Variants in SLC25A48 observed in about 807,000 individuals in gnomAD.
SLC25A48 encodes CTC-321K16.1.
SLC25A48 carries 29 observed loss-of-function variants against 32.2 expected under a neutral mutation model. The ratio of observed to expected loss-of-function variants is 0.90; its 90% CI spans 0.67 to 1.23. SLC25A48 has a LOEUF of 1.23. Ranked by LOEUF, SLC25A48 falls within the 50% of genes most tolerant of loss-of-function variation. The pLI, the probability that SLC25A48 is intolerant of heterozygous loss-of-function variation, is 0.00. For synonymous variants in SLC25A48, 164 were observed against 172.3 expected (o/e 0.95, Z 0.38); for missense variants, 399 against 422.7 (o/e 0.94, Z 0.49).
chr5:135,622,247 A>G lies in SLC25A48; in HGVS notation c.-848-6990A>G, dbSNP rs369330290. The stretch of plus-strand genomic sequence containing the variant: ...GGGGATGGGTGGGTACTTTGAACAA[A>G]CTTTCTGAAATGCTTATATCAAGAG... On this transcript the variant is annotated intron_variant, in intron 1 of 10. Transcript: ENST00000646290. 1.8e-4 allele frequency among the ~76,000 whole-genome samples: 27 copies of G among 152,336 alleles called. 1 individual carries two copies. The highest frequency in any genetic ancestry group is 6.3e-4 in the African/African-American group (26 of 41,594).
intron 3 of SLC25A48, among the ~76,000 whole-genome samples, chr5:135,741,273 G>A (rs1755496469): frequency 6.6e-6 from 1 of 152,122 alleles, no homozygotes; most frequent in Admixed American, 6.5e-5. Flanking sequence ...CATCCAGAGG[G>A]CAGCACAGGG....
At chr5:135,884,772 C>T (rs1762658279) in intron 7 of SLC25A48, among the ~76,000 whole-genome samples, 1 of 152,164 alleles carries the variant, frequency 6.6e-6, no homozygotes. Context: ...GGCATGCTTG[C>T]ACAGTTTGTT....
intron 1 of SLC25A48, among the ~76,000 whole-genome samples, chr5:135,607,126 G>A (rs1346515642): frequency 6.6e-6 from 1 of 152,090 alleles, no homozygotes; most frequent in Non-Finnish European, 1.5e-5. Flanking sequence ...CCTTCCAAAG[G>A]CGCTGCCTCT....
chr5:135,885,080 C>T (rs369063878), intron 7 of SLC25A48, among the ~76,000 whole-genome samples: 8 of 152,110 alleles, frequency 5.3e-5, no homozygotes, highest in African/African-American at 1.7e-4. Context: ...CAGGGTACAT[C>T]GCCAGCAGCC....
chr5:135,589,718 G>A (rs773404524), intron 1 of SLC25A48, among the ~76,000 whole-genome samples: 18 of 151,796 alleles, frequency 1.2e-4, no homozygotes, highest in South Asian at 4.2e-4. Context: ...ATTTTGAGGC[G>A]GAGTCTCACT....
At chr5:135,874,533 T>G (rs1761904159) in intron 6 of SLC25A48, 1 of 564,710 alleles carries the variant, frequency 1.8e-6, no homozygotes, top group East Asian at 3.1e-5. Flanking sequence ...CTCCTCCCAG[T>G]GGGAAGTGCC....
chr5:135,668,013 A>G lies in SLC25A48; in HGVS notation c.-521+33057A>G, dbSNP rs144741089. Among the ~76,000 whole-genome samples, 315 of 152,296 alleles carry G rather than the reference A, an allele frequency of 2.1e-3. 2 individuals are homozygous for G. The highest frequency in any genetic ancestry group is 7.2e-3 in the African/African-American group (300 of 41,570). On this transcript the variant is annotated intron_variant, in intron 3 of 10. Transcript: ENST00000646290. ...TTAGAAATTTCTGGGGTGTGAAGAC[A>G]TAGTCCTGGCCTCTCTGAAAGTTGT... is the stretch of plus-strand genomic sequence containing the variant.
chr5:135,871,704 C>G lies in SLC25A48; in HGVS notation c.665C>G (p.Ala222Gly), dbSNP rs746689224. ...TGPSPCAVWL[A>G]GGMAGAISWG... ...CCCAGCCCCTGTGCCGTGTGGCTGG[C>G]GGGCGGCATGGCAGGTAAGGGCAGC... Residue 222 changes from alanine (A) to glycine (G), a missense_variant, in exon 5 of 8, where the codon GCG becomes GGG. Physicochemically the swap from Ala to Gly is moderately conservative, Grantham distance 60 (BLOSUM62 0). Transcript: ENST00000681962. 2.5e-6 allele frequency: 4 copies of G among 1,613,442 alleles called. No homozygotes were observed. The highest frequency in any genetic ancestry group is 3.4e-6 in the Non-Finnish European group (4 of 1,179,616).
chr5:135,731,171 G>T (rs996975588), intron 3 of SLC25A48, among the ~76,000 whole-genome samples: 2 of 152,094 alleles, frequency 1.3e-5, no homozygotes, highest in Admixed American at 6.5e-5. Flanking sequence ...AGTCAAAGGG[G>T]GTTGTTCTCT....
chr5:135,699,395 T>A (rs1176674307), intron 3 of SLC25A48, among the ~76,000 whole-genome samples: 3 of 104,580 alleles, frequency 2.9e-5, no homozygotes, highest in Non-Finnish European at 2.0e-5. Context: ...CCCAAAAACA[T>A]TACGCTGGGA....
chr5:135,705,938 C>T (rs1228493524), intron 3 of SLC25A48, among the ~76,000 whole-genome samples: 9 of 152,164 alleles, frequency 5.9e-5, no homozygotes, highest in Admixed American at 5.2e-4. Context: ...CTGGCTGGAA[C>T]GCAGGCTGGT....
At chr5:135,748,551 G>A (rs376369342) in intron 3 of SLC25A48, among the ~76,000 whole-genome samples, 9 of 151,978 alleles carry the variant, frequency 5.9e-5, no homozygotes, top group African/African-American at 2.2e-4. Context: ...TGGGATTATA[G>A]GCATGAGCCA....
At chr5:135,806,486 G>T (rs1757465892) in intron 3 of SLC25A48, among the ~76,000 whole-genome samples, 1 of 150,628 alleles carries the variant, frequency 6.6e-6, no homozygotes, top group East Asian at 2.0e-4. Flanking sequence ...AAATATCAAA[G>T]ATATTTTATT....
At chr5:135,590,638 C>T (rs1482353089) in intron 1 of SLC25A48, among the ~76,000 whole-genome samples, 1 of 152,146 alleles carries the variant, frequency 6.6e-6, no homozygotes, top group African/African-American at 2.4e-5. Context: ...GCTGGGGGAC[C>T]GTAAAGCTTG....
intron 1 of SLC25A48, chr5:135,609,341 A>G (rs1470020583): frequency 6.6e-6 from 1 of 152,248 alleles, no homozygotes; most frequent in East Asian, 1.9e-4. Flanking sequence ...GACTGAGACA[A>G]TCATAGCCTT....
chr5:135,591,846 C>T (rs949568057), intron 1 of SLC25A48, among the ~76,000 whole-genome samples: 15 of 152,224 alleles, frequency 9.9e-5, no homozygotes, highest in Non-Finnish European at 2.1e-4. Flanking sequence ...TAGTCTCTCT[C>T]TCCTTGCTCC....
intron 3 of SLC25A48, among the ~76,000 whole-genome samples, chr5:135,774,893 G>A (rs916615076): frequency 1.3e-4 from 20 of 151,648 alleles, no homozygotes; most frequent in African/African-American, 4.8e-4. Context: ...TGCAGAAGGT[G>A]TACACACCCC....
At chr5:135,702,748 C>T (rs1580798091) in intron 3 of SLC25A48, among the ~76,000 whole-genome samples, 4 of 152,332 alleles carry the variant, frequency 2.6e-5, no homozygotes, top group Admixed American at 2.6e-4. Context: ...GAAGCCTGTA[C>T]AATATTGTTA....
At chr5:135,877,927 G>A (rs1762174285) in intron 6 of SLC25A48, among the ~76,000 whole-genome samples, 1 of 152,194 alleles carries the variant, frequency 6.6e-6, no homozygotes, top group South Asian at 2.1e-4. Flanking sequence ...CCCCTTAAGG[G>A]AATGACAGGC....
Sources: allele counts gnomAD v4.1 joint callset (sites outside exome capture counted in the v4.1 genomes callset), GRCh38; gene constraint gnomAD v4.1.1; transcripts MANE v1.5; gene names NCBI Gene and HGNC (gene_info 2026-07-23, HGNC 2026-07-21).